The following L3MBTL4 variants were observed in gnomAD, a reference collection of about 807,000 sequenced individuals.
L3MBTL4 encodes the protein lethal(3)malignant brain tumor-like protein 4.
A neutral mutation model predicts 84.5 loss-of-function variants in L3MBTL4; 70 were observed. That is an observed-to-expected ratio of 0.83 (90% CI 0.68 to 1.01). The LOEUF (loss-of-function observed/expected upper bound fraction) is 1.01. Ranked by LOEUF, L3MBTL4 falls within the 50% of genes least tolerant of loss-of-function variation. The pLI is 0.00. For synonymous variants in L3MBTL4, 274 were observed against 259.8 expected (o/e 1.05, Z -0.52); for missense variants, 715 against 754.8 (o/e 0.95, Z 0.62).
intron 1 of L3MBTL4, among the ~76,000 whole-genome samples, chr18:6,393,022 C>G (rs2055122484): frequency 6.6e-6 from 1 of 152,040 alleles, no homozygotes; most frequent in Non-Finnish European, 1.5e-5. Flanking sequence ...GAATTCACCA[C>G]TATACAATTC....
At chr18:6,258,142 G>A (rs1202471240) in intron 5 of L3MBTL4, among the ~76,000 whole-genome samples, 4 of 152,198 alleles carry the variant, frequency 2.6e-5, no homozygotes, top group African/African-American at 9.7e-5. Flanking sequence ...ATGGTCTGCA[G>A]GGGGCAGTGG....
intron 1 of L3MBTL4, chr18:6,395,756 T>C (rs1370711846): frequency 1.3e-5 from 2 of 152,154 alleles, no homozygotes; most frequent in East Asian, 3.9e-4. Context: ...CATTACCATA[T>C]TACATGGGTG....
chr18:6,106,831 T>G (rs2059025045), intron 14 of L3MBTL4, among the ~76,000 whole-genome samples: 1 of 152,156 alleles, frequency 6.6e-6, no homozygotes. Context: ...CCTCTGCCAT[T>G]TAAATCCATC....
chr18:6,410,337 A>G (rs1445739062), intron 1 of L3MBTL4, among the ~76,000 whole-genome samples: 1 of 152,212 alleles, frequency 6.6e-6, no homozygotes, highest in African/African-American at 2.4e-5. Flanking sequence ...GGTCTTCTTC[A>G]GGCTTACTTA....
At chr18:6,315,572 T>C (rs1952894182) in intron 1 of L3MBTL4, among the ~76,000 whole-genome samples, 1 of 152,232 alleles carries the variant, frequency 6.6e-6, no homozygotes, top group Non-Finnish European at 1.5e-5. Context: ...TCCAAGGTTA[T>C]GCAACAGGCA....
At chr18:6,340,701 T>C (rs1293943062) in intron 1 of L3MBTL4, among the ~76,000 whole-genome samples, 1 of 151,812 alleles carries the variant, frequency 6.6e-6, no homozygotes, top group Non-Finnish European at 1.5e-5. Flanking sequence ...GACTCTCCTG[T>C]GGGCCCTTGC....
intron 17 of L3MBTL4, among the ~76,000 whole-genome samples, chr18:5,966,675 G>C (rs2052368881): frequency 6.6e-6 from 1 of 152,148 alleles, no homozygotes; most frequent in Non-Finnish European, 1.5e-5. Flanking sequence ...CTAACCATGA[G>C]TCACGTGTCC....
chr18:6,376,949 G>A (rs1329553757), intron 1 of L3MBTL4, among the ~76,000 whole-genome samples: 2 of 152,134 alleles, frequency 1.3e-5, no homozygotes. Context: ...GATACACAGT[G>A]CCAACTATCT....
At chr18:6,333,157 A>T (rs1245522518) in intron 1 of L3MBTL4, among the ~76,000 whole-genome samples, 1 of 152,236 alleles carries the variant, frequency 6.6e-6, no homozygotes, top group Admixed American at 6.5e-5. Context: ...TAGGAAAATT[A>T]AGAGCTGCCA....
chr18:6,401,159 G>C (rs944276687), intron 1 of L3MBTL4, among the ~76,000 whole-genome samples: 1 of 152,096 alleles, frequency 6.6e-6, no homozygotes, highest in Non-Finnish European at 1.5e-5. Context: ...CTGAACTTAA[G>C]AGGAATATGC....
intron 16 of L3MBTL4, among the ~76,000 whole-genome samples, chr18:6,000,566 C>T (rs1598402133): frequency 1.3e-5 from 2 of 152,082 alleles, no homozygotes; most frequent in East Asian, 1.9e-4. Flanking sequence ...GGTGATTCAA[C>T]ACATACATAA....
chr18:6,054,006 C>G (rs570604291), intron 16 of L3MBTL4, among the ~76,000 whole-genome samples: 4 of 152,330 alleles, frequency 2.6e-5, no homozygotes, highest in Admixed American at 2.0e-4. Flanking sequence ...GCAAACACAA[C>G]ACCTCTCTTC....
chr18:6,127,208 G>A (rs997063345), intron 14 of L3MBTL4, among the ~76,000 whole-genome samples: 20 of 152,138 alleles, frequency 1.3e-4, no homozygotes, highest in African/African-American at 4.1e-4. Context: ...TCCAACTTGC[G>A]GCCCATGGGC....
intron 16 of L3MBTL4, among the ~76,000 whole-genome samples, chr18:6,001,939 T>C (rs1040005629): frequency 6.6e-6 from 1 of 152,138 alleles, no homozygotes; most frequent in African/African-American, 2.4e-5. Context: ...AAATCTAAGA[T>C]GCTCAACAAA....
intron 1 of L3MBTL4, among the ~76,000 whole-genome samples, chr18:6,360,490 T>C (rs558785527): frequency 6.6e-6 from 1 of 152,322 alleles, no homozygotes; most frequent in African/African-American, 2.4e-5. Flanking sequence ...CCAAAAACTT[T>C]ACAAAAGCTA....
At chr18:6,251,072 T>C (rs2047904160) in intron 5 of L3MBTL4, among the ~76,000 whole-genome samples, 2 of 152,082 alleles carry the variant, frequency 1.3e-5, no homozygotes, top group African/African-American at 4.8e-5. Flanking sequence ...AATCATGCTA[T>C]CAGTAATGTC....
At chr18:6,164,439 C>A (rs557182897) in intron 13 of L3MBTL4, among the ~76,000 whole-genome samples, 2 of 152,360 alleles carry the variant, frequency 1.3e-5, no homozygotes, top group East Asian at 3.9e-4. Flanking sequence ...CCGCTAGGGG[C>A]AGACTGACAC....
At chr18:6,352,689 C>T (rs1297265215) in intron 1 of L3MBTL4, among the ~76,000 whole-genome samples, 1 of 152,198 alleles carries the variant, frequency 6.6e-6, no homozygotes, top group Non-Finnish European at 1.5e-5. Flanking sequence ...GACCTTGTTT[C>T]TGCCAGGAAA....
At chr18:6,372,686 C>T (rs919612558) in intron 1 of L3MBTL4, among the ~76,000 whole-genome samples, 5 of 152,176 alleles carry the variant, frequency 3.3e-5, no homozygotes, top group Non-Finnish European at 7.3e-5. Context: ...TCCAAAGTGT[C>T]CTCACCTGTA....
Sources: gnomAD v4.1 joint callset for allele counts (sites outside exome capture counted in the v4.1 genomes callset) on GRCh38, gnomAD v4.1.1 for gene constraint, MANE v1.5 for transcripts, NCBI Gene and HGNC (gene_info 2026-07-23, HGNC 2026-07-21) for gene names.